VTCN1: variants seen among roughly 807,000 people sequenced by gnomAD.
VTCN1 encodes the protein V-set domain-containing T-cell activation inhibitor 1.
A neutral mutation model predicts 26.5 loss-of-function variants in VTCN1; 26 were observed. The observed-to-expected ratio is 0.98, with a 90% CI of 0.72 to 1.36. The LOEUF (loss-of-function observed/expected upper bound fraction) is 1.36, where lower values mean the gene tolerates loss of function less well. Ranked by LOEUF, VTCN1 falls within the 40% of genes most tolerant of loss-of-function variation. VTCN1 has a pLI of 0.00. For missense variants in VTCN1, 298 were observed against 337.7 expected, an observed-to-expected ratio of 0.88 and a Z score of 0.92; for synonymous variants, 116 against 130.7, an observed-to-expected ratio of 0.89 and a Z score of 0.77.
intron 1 of VTCN1, chr1:117,173,078 A>G: frequency 2.9e-6 from 2 of 699,992 alleles, no homozygotes; most frequent in Admixed American, 2.0e-5. Flanking sequence ...ACCGTGAAGG[A>G]CCGCAGCTTC....
intron 4 of VTCN1, among the ~76,000 whole-genome samples, chr1:117,151,767 T>C (rs77613682): frequency 0.011 from 1,688 of 152,308 alleles, 19 homozygotes; most frequent in South Asian, 0.058. Context: ...TTGATGACAC[T>C]TTATACTATT....
At chr1:117,148,755 G>A (rs1651644300) in intron 4 of VTCN1, among the ~76,000 whole-genome samples, 1 of 152,216 alleles carries the variant, frequency 6.6e-6, no homozygotes, top group African/African-American at 2.4e-5. Flanking sequence ...TAAGGCAACT[G>A]GAAGATCAAA....
Position 117,153,080 on chromosome 1 carries a change from C to A in VTCN1, c.724+11G>T. Reference sequence around the variant, plus strand: ...CCCAGTAAATCCATACAAAAGCATGCAGGAACCCACCTGTCACTTTGATAT... The same window carrying A: ...CCCAGTAAATCCATACAAAAGCATGAAGGAACCCACCTGTCACTTTGATAT... On this transcript the variant is annotated intron_variant, in intron 4 of 5. Transcript: ENST00000369458. The A allele has an allele frequency of 6.3e-7, 1 of 1,599,010 alleles. No individual in the cohort carries two copies. The highest frequency in any genetic ancestry group is 2.2e-5 in the East Asian group (1 of 44,572).
intron 1 of VTCN1, 47 bp downstream of exon 1, chr1:117,210,777 C>CTGCT (rs1361965058): frequency 6.2e-7 from 1 of 1,605,242 alleles, no homozygotes. Flanking sequence ...AAAGACCTCA[C>CTGCT]TGCTGTTCCC....
chr1:117,181,808 G>A (rs897917340), intron 1 of VTCN1, among the ~76,000 whole-genome samples: 9 of 152,170 alleles, frequency 5.9e-5, no homozygotes, highest in African/African-American at 1.7e-4. Context: ...GCATTTCAGC[G>A]AGGTCATCAG....
intron 1 of VTCN1, among the ~76,000 whole-genome samples, chr1:117,187,451 AATGACATACAGG>A (rs1399593205): frequency 6.6e-6 from 1 of 152,156 alleles, no homozygotes. Flanking sequence ...TGAAGTCCCC[AATGACATACAGG>A]ATCCTGTCAG....
At chr1:117,151,909 A>G (rs906702631) in intron 4 of VTCN1, among the ~76,000 whole-genome samples, 4 of 152,140 alleles carry the variant, frequency 2.6e-5, no homozygotes, top group African/African-American at 9.7e-5. Context: ...CCTAATGGGC[A>G]TTAGGTGATA....
rs1308504540 is a variant in VTCN1 at position 117,175,952 on chromosome 1, TAG to T, written c.33-5783_33-5782del. Among the ~76,000 whole-genome samples the T allele has an allele frequency of 4.6e-5, 7 of 152,072 alleles. No homozygotes were observed. The highest frequency in any genetic ancestry group is 1.7e-4 in the African/African-American group (7 of 41,376). ...CGCCCGGCTAATTTTTTATTTTTAG[TAG>T]AGACAGGGTTTCACCATGTTGGCCA... On this transcript the variant is annotated intron_variant, in intron 1 of 5. Coordinates refer to ENST00000369458, the MANE Select transcript of VTCN1 (RefSeq NM_024626.4). This position sits in a 1 kb window ranked among gnomAD's most constrained non-coding sequence, Gnocchi z 4.2.
chr1:117,199,585 C>G (rs1648691287), intron 1 of VTCN1, among the ~76,000 whole-genome samples: 1 of 151,930 alleles, frequency 6.6e-6, no homozygotes, highest in South Asian at 2.1e-4. Context: ...CTCAGCCTCC[C>G]AAAGTGCTGG....
rs148044365 is a variant in VTCN1, at chr1:117,175,688, T to C, written c.33-5517A>G. ...TGAGCTCATTGATGCTATAGAAACA[T>C]ATACTGCAGCGGACAGGCTGTATTA... On this transcript the variant is annotated intron_variant, in intron 1 of 5. Coordinates refer to ENST00000369458, the MANE Select transcript of VTCN1 (RefSeq NM_024626.4). The surrounding 1 kb of genome is among the most constrained non-coding windows in gnomAD (Gnocchi z 4.2). Among the ~76,000 whole-genome samples the C allele has an allele frequency of 1.6e-3, 237 of 151,906 alleles. 1 individual carries two copies. Among genetic ancestry groups the C allele is most frequent in the East Asian group, 6.0e-3 (31 of 5,164 alleles).
At chr1:117,177,223 G>C (rs529622450) in intron 1 of VTCN1, among the ~76,000 whole-genome samples, 1 of 152,218 alleles carries the variant, frequency 6.6e-6, no homozygotes, top group Non-Finnish European at 1.5e-5. Flanking sequence ...GTGGAATAAA[G>C]CATTGGGCTT....
intron 1 of VTCN1, among the ~76,000 whole-genome samples, chr1:117,172,237 A>C (rs1652957318): frequency 6.6e-6 from 1 of 152,246 alleles, no homozygotes; most frequent in Non-Finnish European, 1.5e-5. Flanking sequence ...CATTGTTCCC[A>C]GCCTCCTATG....
chr1:117,179,608 G>A (rs1176341081), intron 1 of VTCN1, among the ~76,000 whole-genome samples: 1 of 152,172 alleles, frequency 6.6e-6, no homozygotes, highest in Non-Finnish European at 1.5e-5. Context: ...TAAACACACA[G>A]GGGGTGGGAA....
rs918071960 is a variant in VTCN1, at chr1:117,144,820, A to G, written c.*451T>C. The G allele has an allele frequency of 6.6e-6, 1 of 152,624 alleles. No individual in the cohort carries two copies. Among genetic ancestry groups the G allele is most frequent in the Non-Finnish European group, 1.5e-5 (1 of 68,038 alleles). 9.5% of individuals were successfully genotyped at this position (152,624 alleles called of 1,614,324 possible). On this transcript the variant is annotated 3_prime_UTR_variant, in exon 6 of 6. Coordinates refer to ENST00000369458, the MANE Select transcript of VTCN1 (RefSeq NM_024626.4). ...TACATACTACAGCTTAATTTGTGGAATATAAGATGTGGATATGTTGGGATA... is the reference window on the plus strand; with the variant it reads ...TACATACTACAGCTTAATTTGTGGAGTATAAGATGTGGATATGTTGGGATA...
chr1:117,208,468 G>A (rs1649205419), intron 1 of VTCN1, among the ~76,000 whole-genome samples: 1 of 152,112 alleles, frequency 6.6e-6, no homozygotes, highest in Non-Finnish European at 1.5e-5. Flanking sequence ...GTTGTTATGT[G>A]GGAGTCTTTC....
At chr1:117,174,910 G>A (rs576654404) in intron 1 of VTCN1, among the ~76,000 whole-genome samples, 2 of 152,318 alleles carry the variant, frequency 1.3e-5, no homozygotes, top group South Asian at 4.1e-4. Context: ...TGCACTGGGG[G>A]TGCAGGGGGT....
intron 2 of VTCN1, among the ~76,000 whole-genome samples, chr1:117,163,086 G>T (rs1652451338): frequency 1.3e-5 from 2 of 152,232 alleles, no homozygotes; most frequent in South Asian, 4.1e-4. Flanking sequence ...TAACCTTGGG[G>T]TCAAACCTGT....
intron 1 of VTCN1, among the ~76,000 whole-genome samples, chr1:117,196,303 G>T (rs1268262831): frequency 6.6e-6 from 1 of 151,644 alleles, no homozygotes; most frequent in Non-Finnish European, 1.5e-5. Flanking sequence ...TATAGAAGAA[G>T]ATTTATTTGA....
chr1:117,146,731 C>T lies in VTCN1; in HGVS notation c.*45+882G>A, dbSNP rs1241653580. ...GGTAGGTATGCTTCTGTGACTTTGA[C>T]TTCGATATAGTTATGCCCAGAGAGT... On this transcript the variant is annotated intron_variant, in intron 5 of 5. Coordinates refer to ENST00000369458, the MANE Select transcript of VTCN1 (RefSeq NM_024626.4). This position sits in a 1 kb window ranked among gnomAD's most constrained non-coding sequence, Gnocchi z 4.2. Among the ~76,000 whole-genome samples, 1 of 152,134 alleles carries T rather than the reference C, an allele frequency of 6.6e-6. No homozygotes were observed. The highest frequency in any genetic ancestry group is 1.5e-5 in the Non-Finnish European group (1 of 68,024).
Sources: gnomAD v4.1 joint callset for allele counts (sites outside exome capture counted in the v4.1 genomes callset) on GRCh38, gnomAD v4.1.1 for gene constraint, Gnocchi (gnomAD v3.1) non-coding constraint, MANE v1.5 for transcripts, NCBI Gene and HGNC (gene_info 2026-07-23, HGNC 2026-07-21) for gene names.